ENPP2: variants seen among roughly 807,000 people sequenced by gnomAD.
The protein encoded by ENPP2 is autotaxin.
ENPP2 carries 51 observed loss-of-function variants against 120.2 expected under a neutral mutation model. That is an observed-to-expected ratio of 0.42 (90% CI 0.34 to 0.54). The LOEUF (loss-of-function observed/expected upper bound fraction) is 0.54, where lower values mean the gene tolerates loss of function less well. ENPP2 is among the 20% of genes least tolerant of loss of function. The pLI, the probability that ENPP2 is intolerant of heterozygous loss-of-function variation, is 0.04. For missense variants in ENPP2, 920 were observed against 1,066.5 expected, an observed-to-expected ratio of 0.86 and a Z score of 1.91; for synonymous variants, 365 against 366.4, an observed-to-expected ratio of 1.00 and a Z score of 0.04.
chr8:119,604,806 C>G (rs964614019), intron 9 of ENPP2, among the ~76,000 whole-genome samples: 15 of 152,006 alleles, frequency 9.9e-5, no homozygotes, highest in Non-Finnish European at 2.2e-4. Context: ...TGGAGTCTTG[C>G]TCTGTCTCCC....
intron 19 of ENPP2, among the ~76,000 whole-genome samples, chr8:119,578,037 G>GT (rs1207989819): frequency 1.2e-4 from 18 of 151,828 alleles, no homozygotes; most frequent in African/African-American, 3.6e-4. Flanking sequence ...GATTGTGTGT[G>GT]TTTTTTTGTT....
intron 12 of ENPP2, chr8:119,592,944 A>G: frequency 1.0e-6 from 1 of 977,206 alleles, no homozygotes; most frequent in Middle Eastern, 5.3e-4. Flanking sequence ...CAGAACTGCC[A>G]AAGAGTCAGC....
At chr8:119,647,896 T>A (rs1817518627) in intron 1 of ENPP2, among the ~76,000 whole-genome samples, 1 of 152,040 alleles carries the variant, frequency 6.6e-6, no homozygotes, top group Non-Finnish European at 1.5e-5. Flanking sequence ...TCCCGGCTAC[T>A]TGGAAGGCTG....
At chr8:119,561,533 T>A (rs1339458283) in intron 24 of ENPP2, among the ~76,000 whole-genome samples, 1 of 152,170 alleles carries the variant, frequency 6.6e-6, no homozygotes, top group East Asian at 1.9e-4. Context: ...TCCATCAAAT[T>A]AAAAGGACCT....
At chr8:119,557,827 C>T in intron 24 of ENPP2, 136 bp from the exon 25 acceptor site, 3 of 615,270 alleles carry the variant, frequency 4.9e-6, no homozygotes, top group Non-Finnish European at 7.9e-6. Context: ...TCCTTCCTGG[C>T]CTCCCTGCCA....
At chr8:119,600,622 T>C (rs1019344999) in intron 11 of ENPP2, 56 bp downstream of exon 11, 32 of 1,039,108 alleles carry the variant, frequency 3.1e-5, no homozygotes, top group Middle Eastern at 2.0e-4. Context: ...ATAAAGTCAG[T>C]AGATCAGGTA....
chr8:119,607,218 T>C (rs909651140), intron 9 of ENPP2, among the ~76,000 whole-genome samples: 1 of 152,198 alleles, frequency 6.6e-6, no homozygotes, highest in Non-Finnish European at 1.5e-5. Flanking sequence ...AAAATAAATA[T>C]AATATGTTGT....
At chr8:119,651,130 A>G (rs1817615212) in intron 1 of ENPP2, among the ~76,000 whole-genome samples, 1 of 152,172 alleles carries the variant, frequency 6.6e-6, no homozygotes, top group Non-Finnish European at 1.5e-5. Context: ...CTCATATGGC[A>G]GATGGGCATG....
intron 1 of ENPP2, among the ~76,000 whole-genome samples, chr8:119,663,647 G>A (rs1164342716): frequency 6.6e-6 from 1 of 152,092 alleles, no homozygotes; most frequent in Admixed American, 6.6e-5. Flanking sequence ...GAAAAGAATT[G>A]CATTCTTATG....
chr8:119,604,608 A>G (rs1397043929), intron 9 of ENPP2, among the ~76,000 whole-genome samples: 2 of 151,894 alleles, frequency 1.3e-5, no homozygotes, highest in African/African-American at 4.8e-5. Flanking sequence ...AAAAAAGACT[A>G]AGTTAAGTAT....
intron 20 of ENPP2, 118 bp downstream of exon 20, chr8:119,570,587 T>C (rs531649331): frequency 5.2e-5 from 31 of 595,430 alleles, no homozygotes; most frequent in African/African-American, 4.5e-4. Context: ...ATAGGATTTC[T>C]GTCATTAAGA....
chr8:119,624,754 A>G (rs1411154233), intron 3 of ENPP2, among the ~76,000 whole-genome samples: 1 of 152,236 alleles, frequency 6.6e-6, no homozygotes, highest in East Asian at 1.9e-4. Context: ...CACAGTTGGA[A>G]GAGTATACAT....
Position 119,569,363 on chromosome 8 carries a change from A to G in ENPP2, c.1925T>C (p.Val642Ala), listed in dbSNP as rs144857592. Residue 642 changes from valine (V) to alanine (A), a missense_variant, in exon 21 of 25, where the codon GTT becomes GCT. Val to Ala is a moderately conservative substitution (Grantham distance 64). Transcript: ENST00000075322. The stretch of plus-strand genomic sequence containing the variant: ...GGTCAGATGGTCAGGAACGCTGGAA[A>G]CCTCAGCCTGCACGGGAGTCAGAGG... Reference protein sequence around the residue: ...TSYTVSKQAEVSSVPDHLTSC... With the variant: ...TSYTVSKQAEASSVPDHLTSC... 145 of 1,613,788 alleles carry G rather than the reference A, an allele frequency of 9.0e-5. No individual in the cohort carries two copies. In the African/African-American group the frequency reaches 1.8e-3, roughly 20 times the overall value.
At position 119,631,844 on chromosome 8, in the gene ENPP2, T is replaced by C. The variant is rs373686797; in HGVS notation, c.137-5124A>G. On this transcript the variant is annotated intron_variant, in intron 2 of 24. Coordinates refer to ENST00000075322, the MANE Select transcript of ENPP2 (RefSeq NM_001040092.3). ...TAGTTTTGGGGTGATAATACATTCA[T>C]GTAGTTGATAAAAATCAAGTCAGTA... 2.7e-4 allele frequency among the ~76,000 whole-genome samples: 41 copies of C among 152,226 alleles called. No individual in the cohort carries two copies. The East Asian group carries it at 6.4e-3, about 24-fold the overall frequency.
chr8:119,644,627 C>A (rs35812973), intron 1 of ENPP2, among the ~76,000 whole-genome samples: 1 of 57,318 alleles, frequency 1.7e-5, no homozygotes, highest in South Asian at 6.5e-4. Context: ...TATATATATA[C>A]ACACACACAC....
chr8:119,598,118 GA>G (rs1814034228), intron 11 of ENPP2, among the ~76,000 whole-genome samples: 1 of 152,152 alleles, frequency 6.6e-6, no homozygotes, highest in African/African-American at 2.4e-5. Flanking sequence ...GCCTACAATA[GA>G]AGAGAATTTT....
intron 1 of ENPP2, among the ~76,000 whole-genome samples, chr8:119,650,979 A>G (rs1255619392): frequency 1.3e-5 from 2 of 152,230 alleles, no homozygotes; most frequent in Admixed American, 6.5e-5. Flanking sequence ...TCTTTAAAAA[A>G]AAAAAAGCCC....
chr8:119,630,249 G>A (rs905280821), intron 2 of ENPP2, among the ~76,000 whole-genome samples: 2 of 151,766 alleles, frequency 1.3e-5, no homozygotes, highest in African/African-American at 4.8e-5. Context: ...GCTGGGATTA[G>A]AGGCACCCAC....
intron 11 of ENPP2, among the ~76,000 whole-genome samples, chr8:119,595,506 G>T (rs187751180): frequency 2.2e-4 from 34 of 152,184 alleles, no homozygotes; most frequent in African/African-American, 8.2e-4. Flanking sequence ...CTTTTACCTT[G>T]CAGGGTTGTT....
Sources: gnomAD v4.1 joint callset for allele counts (sites outside exome capture counted in the v4.1 genomes callset) on GRCh38, gnomAD v4.1.1 for gene constraint, MANE v1.5 for transcripts, NCBI Gene and HGNC (gene_info 2026-07-23, HGNC 2026-07-21) for gene names.